The following SMG6 variants were observed in gnomAD, a reference collection of about 807,000 sequenced individuals.
SMG6 encodes SMG6 nonsense mediated mRNA decay factor, also known as telomerase-binding protein EST1A.
In SMG6, 66 loss-of-function variants were observed where a neutral mutation model predicts 142.2. The ratio of observed to expected loss-of-function variants is 0.46; its 90% CI spans 0.38 to 0.57. The LOEUF (loss-of-function observed/expected upper bound fraction) is 0.57. Among genes scored for constraint, SMG6 ranks in the 20% least tolerant of loss-of-function variants. The pLI is 0.00. For synonymous variants in SMG6, 779 were observed against 702.4 expected (o/e 1.11, Z -1.72); for missense variants, 1,793 against 1,832.0 (o/e 0.98, Z 0.39).
intron 13 of SMG6, among the ~76,000 whole-genome samples, chr17:2,086,557 G>C (rs187143577): frequency 1.3e-5 from 2 of 152,302 alleles, no homozygotes; most frequent in Non-Finnish European, 1.5e-5. Flanking sequence ...TCTTTCTGAC[G>C]TTTACGCCAA....
intron 15 of SMG6, among the ~76,000 whole-genome samples, chr17:2,070,826 C>A (rs747443266): frequency 6.6e-6 from 1 of 152,160 alleles, no homozygotes; most frequent in Non-Finnish European, 1.5e-5. Context: ...GGGTCACTGA[C>A]CCTCTACATA....
intron 13 of SMG6, among the ~76,000 whole-genome samples, chr17:2,129,834 A>C (rs1157683307): frequency 2.0e-5 from 3 of 149,466 alleles, no homozygotes; most frequent in African/African-American, 7.4e-5. Flanking sequence ...AATCCATGAC[A>C]AATAGATTTA....
chr17:2,250,405 TG>T (rs2074021075), intron 8 of SMG6, among the ~76,000 whole-genome samples: 1 of 151,920 alleles, frequency 6.6e-6, no homozygotes, highest in East Asian at 1.9e-4. Context: ...TTTTTTTTTT[TG>T]AGACAGGGTC....
chr17:2,220,312 G>A (rs1468133166), intron 10 of SMG6, among the ~76,000 whole-genome samples: 2 of 152,120 alleles, frequency 1.3e-5, no homozygotes, highest in East Asian at 3.8e-4. Context: ...TTCAAAAAGA[G>A]GGTAATGATT....
chr17:2,064,155 G>C (rs9900208), intron 18 of SMG6, among the ~76,000 whole-genome samples: 1 of 152,148 alleles, frequency 6.6e-6, no homozygotes, highest in Non-Finnish European at 1.5e-5. Context: ...AAAGGAGAGA[G>C]CAGCAGAGAC....
chr17:2,162,102 C>T (rs1597495358), intron 13 of SMG6, among the ~76,000 whole-genome samples: 1 of 152,074 alleles, frequency 6.6e-6, no homozygotes, highest in Non-Finnish European at 1.5e-5. Context: ...TATATTCATA[C>T]AATATTGTGC....
At position 2,220,188 on chromosome 17, in the gene SMG6, G is replaced by A. The variant is rs554727901; in HGVS notation, c.2869+16304C>T. Reference sequence around the variant, plus strand: ...TCTGCCTGCATGATTACAGGCATGAGCCACCACGCTTGGCCTATTCTAATA... The same window carrying A: ...TCTGCCTGCATGATTACAGGCATGAACCACCACGCTTGGCCTATTCTAATA... On this transcript the variant is annotated intron_variant, in intron 10 of 18. Coordinates refer to ENST00000263073, the MANE Select transcript of SMG6 (RefSeq NM_017575.5). 8.5e-5 allele frequency among the ~76,000 whole-genome samples: 13 copies of A among 152,290 alleles called. No homozygotes were observed. The South Asian group carries it at 2.7e-3, about 32-fold the overall frequency.
chr17:2,297,841 G>A (rs781386423), intron 3 of SMG6, 22 bp downstream of exon 3: 1 of 1,602,840 alleles, frequency 6.2e-7, no homozygotes, highest in South Asian at 1.1e-5. Context: ...TTTATCCTGA[G>A]GACAAAAAGA....
At chr17:2,248,956 A>C (rs559915499) in intron 8 of SMG6, among the ~76,000 whole-genome samples, 1 of 150,404 alleles carries the variant, frequency 6.6e-6, no homozygotes, top group South Asian at 2.1e-4. Context: ...GCGCTATCTC[A>C]GCTCACTGCA....
At chr17:2,141,599 C>G (rs889136591) in intron 13 of SMG6, among the ~76,000 whole-genome samples, 2 of 151,958 alleles carry the variant, frequency 1.3e-5, no homozygotes. Context: ...GCACACCATA[C>G]CCGCTAATTT....
At chr17:2,067,502 C>A (rs1340467833) in intron 16 of SMG6, among the ~76,000 whole-genome samples, 1 of 152,186 alleles carries the variant, frequency 6.6e-6, no homozygotes, top group African/African-American at 2.4e-5. Flanking sequence ...ACATATGACC[C>A]GGCAAGGCAG....
intron 15 of SMG6, among the ~76,000 whole-genome samples, chr17:2,069,239 G>A (rs1474763028): frequency 6.6e-6 from 1 of 152,124 alleles, no homozygotes; most frequent in African/African-American, 2.4e-5. Context: ...TTCAACAAGG[G>A]AGAATTAGGT....
At position 2,172,684 on chromosome 17, in the gene SMG6, A is replaced by G. The variant is rs1166964989; in HGVS notation, c.3331T>C (p.Cys1111Arg). Residue 1111 changes from cysteine to arginine, a missense_variant, in exon 13 of 19, where the codon TGC becomes CGC. By Grantham distance (180) the Cys-to-Arg change is radical. Coordinates refer to ENST00000263073, the MANE Select transcript of SMG6 (RefSeq NM_017575.5). ...TTATCCGAGGTTTTCTCCACGTAGC[A>G]GGGGTCCTGAGGGGCAGCCAGCAAG... ...VPLLAAPQDP[C>R]YVEKTSDKVI... The G allele has an allele frequency of 3.7e-6, 6 of 1,613,750 alleles. No individual in the cohort carries two copies. The highest frequency in any genetic ancestry group is 5.1e-6 in the Non-Finnish European group (6 of 1,180,030).
intron 12 of SMG6, among the ~76,000 whole-genome samples, chr17:2,183,074 A>G (rs2071856693): frequency 6.6e-6 from 1 of 152,022 alleles, no homozygotes; most frequent in Non-Finnish European, 1.5e-5. Flanking sequence ...AAAAATACAA[A>G]AAGTTAGCCG....
At chr17:2,230,586 T>G (rs1213242813) in intron 10 of SMG6, among the ~76,000 whole-genome samples, 2 of 152,142 alleles carry the variant, frequency 1.3e-5, no homozygotes, top group African/African-American at 4.8e-5. Context: ...AAATACATTC[T>G]GAAAACAAGG....
chr17:2,120,776 C>G (rs1194725824), intron 13 of SMG6, among the ~76,000 whole-genome samples: 2 of 152,000 alleles, frequency 1.3e-5, no homozygotes, highest in Non-Finnish European at 2.9e-5. Flanking sequence ...CAAATTAAAG[C>G]CAAAAATGAT....
chr17:2,073,470 G>A (rs1295339104), intron 15 of SMG6, among the ~76,000 whole-genome samples: 2 of 151,912 alleles, frequency 1.3e-5, no homozygotes, highest in Non-Finnish European at 2.9e-5. Flanking sequence ...CAGCACTTTG[G>A]GAGGCCAAGG....
intron 10 of SMG6, among the ~76,000 whole-genome samples, chr17:2,202,242 A>G (rs1427171723): frequency 6.6e-6 from 1 of 152,196 alleles, no homozygotes; most frequent in Non-Finnish European, 1.5e-5. Context: ...CAACAATAAA[A>G]AGGAATAAAC....
intron 8 of SMG6, among the ~76,000 whole-genome samples, chr17:2,247,046 A>G (rs550634308): frequency 6.6e-6 from 1 of 152,346 alleles, no homozygotes; most frequent in East Asian, 1.9e-4. Flanking sequence ...TTAGTGGCGA[A>G]ACCTGGCCAG....
Sources: allele counts gnomAD v4.1 joint callset (sites outside exome capture counted in the v4.1 genomes callset), GRCh38; gene constraint gnomAD v4.1.1; transcripts MANE v1.5; gene names NCBI Gene and HGNC (gene_info 2026-07-23, HGNC 2026-07-21).